FHIT: variants seen among roughly 807,000 people sequenced by gnomAD.
FHIT encodes the protein bis(5'-adenosyl)-triphosphatase.
FHIT carries 19 observed loss-of-function variants against 17.9 expected under a neutral mutation model. The observed-to-expected ratio is 1.06, with a 90% CI of 0.74 to 1.56. The LOEUF (loss-of-function observed/expected upper bound fraction) is 1.56, where lower values mean the gene tolerates loss of function less well. Among genes scored for constraint, FHIT ranks in the 40% most tolerant of loss-of-function variants. The probability of loss-of-function intolerance (pLI) is 0.00; values close to 1 mark genes in which losing one functional copy is unlikely to be tolerated. For synonymous variants in FHIT, 81 were observed against 69.7 expected, an observed-to-expected ratio of 1.16 and a Z score of -0.81; for missense variants, 248 against 189.2, an observed-to-expected ratio of 1.31 and a Z score of -1.82.
chr3:60,229,757 G>C (rs1351032840), intron 5 of FHIT, among the ~76,000 whole-genome samples: 1 of 152,206 alleles, frequency 6.6e-6, no homozygotes, highest in African/African-American at 2.4e-5. Flanking sequence ...GCCAAGGTGA[G>C]AGGATCATGG....
intron 5 of FHIT, among the ~76,000 whole-genome samples, chr3:60,050,913 T>G (rs188415414): frequency 1.3e-5 from 2 of 152,290 alleles, no homozygotes; most frequent in East Asian, 3.9e-4. Context: ...GAGGCCTCCA[T>G]TAATTCATGC....
At chr3:59,938,664 C>A (rs1706360556) in intron 7 of FHIT, among the ~76,000 whole-genome samples, 2 of 152,122 alleles carry the variant, frequency 1.3e-5, no homozygotes, top group Non-Finnish European at 2.9e-5. Context: ...TGTCTTAACA[C>A]CATGTTGTAT....
intron 5 of FHIT, among the ~76,000 whole-genome samples, chr3:60,077,022 A>C (rs535118150): frequency 1.2e-4 from 19 of 152,204 alleles, no homozygotes; most frequent in African/African-American, 4.6e-4. Context: ...ATTTATAAGA[A>C]ATAACTGATT....
chr3:60,750,355 C>A (rs1049964012), intron 4 of FHIT, among the ~76,000 whole-genome samples: 1 of 152,126 alleles, frequency 6.6e-6, no homozygotes, highest in South Asian at 2.1e-4. Context: ...ATGACAAGTT[C>A]CCCTCCTGAC....
intron 4 of FHIT, among the ~76,000 whole-genome samples, chr3:60,804,856 C>T (rs1701328866): frequency 6.6e-6 from 1 of 152,226 alleles, no homozygotes; most frequent in Admixed American, 6.5e-5. Flanking sequence ...GAGGAGACTT[C>T]TCTGCCATCC....
chr3:60,367,594 C>A (rs1344859225), intron 5 of FHIT, among the ~76,000 whole-genome samples: 1 of 152,060 alleles, frequency 6.6e-6, no homozygotes, highest in African/African-American at 2.4e-5. Flanking sequence ...ACAAATTTGC[C>A]TTGATTTATT....
intron 4 of FHIT, among the ~76,000 whole-genome samples, chr3:60,806,711 T>G (rs1701402661): frequency 6.6e-6 from 1 of 152,202 alleles, no homozygotes; most frequent in African/African-American, 2.4e-5. Flanking sequence ...AGGTTAGAAT[T>G]GCATCAAACC....
chr3:59,753,386 T>C (rs1306761539), intron 8 of FHIT, among the ~76,000 whole-genome samples: 1 of 152,198 alleles, frequency 6.6e-6, no homozygotes, highest in Non-Finnish European at 1.5e-5. Flanking sequence ...TGTGTGTATG[T>C]CTCAGATTTA....
At chr3:60,553,321 G>C (rs1277621149) in intron 4 of FHIT, 2 of 757,292 alleles carry the variant, frequency 2.6e-6, no homozygotes, top group African/African-American at 3.8e-5. Flanking sequence ...TAGTTTCTAA[G>C]AAACCTACCT....
intron 8 of FHIT, among the ~76,000 whole-genome samples, chr3:59,772,040 A>G (rs1293963632): frequency 1.3e-5 from 2 of 152,150 alleles, no homozygotes; most frequent in Non-Finnish European, 2.9e-5. Flanking sequence ...AACACATAAC[A>G]TGCACTCGCA....
intron 5 of FHIT, among the ~76,000 whole-genome samples, chr3:60,263,672 G>T (rs9869448): frequency 0.028 from 4,215 of 152,060 alleles, 128 homozygotes; most frequent in African/African-American, 0.079. Context: ...AGGGGTGGTA[G>T]AGAGGAGGTG....
At chr3:60,342,141 C>G (rs955279409) in intron 5 of FHIT, among the ~76,000 whole-genome samples, 1 of 152,200 alleles carries the variant, frequency 6.6e-6, no homozygotes, top group Admixed American at 6.5e-5. Flanking sequence ...CTGGCTTCAC[C>G]CTGTTCTCCC....
At chr3:60,631,971 G>A (rs1271504961) in intron 4 of FHIT, among the ~76,000 whole-genome samples, 2 of 152,166 alleles carry the variant, frequency 1.3e-5, no homozygotes, top group Non-Finnish European at 2.9e-5. Context: ...GGGATTTAGA[G>A]ATGGACGCAA....
chr3:60,142,694 C>CTTT (rs61244426), intron 5 of FHIT, among the ~76,000 whole-genome samples: 1 of 141,642 alleles, frequency 7.1e-6, no homozygotes, highest in Admixed American at 7.1e-5. Context: ...TTTTTTTTTT[C>CTTT]TTTTTTTTTT....
intron 7 of FHIT, among the ~76,000 whole-genome samples, chr3:59,938,795 C>T (rs1216118910): frequency 6.6e-6 from 1 of 151,902 alleles, no homozygotes; most frequent in Non-Finnish European, 1.5e-5. Context: ...CTAGAAAAAC[C>T]ACCCCCTAAC....
At chr3:60,092,065 G>C (rs968366867) in intron 5 of FHIT, among the ~76,000 whole-genome samples, 1 of 152,190 alleles carries the variant, frequency 6.6e-6, no homozygotes, top group South Asian at 2.1e-4. Context: ...GACAAATAAA[G>C]GCATTTTAAG....
At chr3:60,864,677 C>T (rs1347831837) in intron 3 of FHIT, among the ~76,000 whole-genome samples, 7 of 152,056 alleles carry the variant, frequency 4.6e-5, no homozygotes, top group South Asian at 4.2e-4. Flanking sequence ...GTTTGAATTT[C>T]GTTCTAAAGC....
intron 5 of FHIT, among the ~76,000 whole-genome samples, chr3:60,441,925 C>A (rs2030919350): frequency 6.7e-6 from 1 of 148,298 alleles, no homozygotes; most frequent in Non-Finnish European, 1.5e-5. Context: ...GTGGCATGAT[C>A]ATGGCTCACT....
chr3:60,565,031 T>C (rs772299458), intron 4 of FHIT, among the ~76,000 whole-genome samples: 2 of 152,160 alleles, frequency 1.3e-5, no homozygotes, highest in African/African-American at 2.4e-5. Context: ...CACCCAACTT[T>C]CAGCAACCAC....
Sources: gnomAD v4.1 joint callset for allele counts (sites outside exome capture counted in the v4.1 genomes callset) on GRCh38, gnomAD v4.1.1 for gene constraint, MANE v1.5 for transcripts, NCBI Gene and HGNC (gene_info 2026-07-23, HGNC 2026-07-21) for gene names.